Variants in USP13 observed in about 807,000 individuals in gnomAD.
USP13 encodes the protein ubiquitin carboxyl-terminal hydrolase 13.
A neutral mutation model predicts 107.8 loss-of-function variants in USP13; 68 were observed. That is an observed-to-expected ratio of 0.63 (90% CI 0.52 to 0.77). The LOEUF (loss-of-function observed/expected upper bound fraction) is 0.77. Among genes scored for constraint, USP13 ranks in the 30% least tolerant of loss-of-function variants. The pLI is 0.00. For synonymous variants in USP13, 377 were observed against 389.5 expected (o/e 0.97, Z 0.38); for missense variants, 945 against 1,093.3 (o/e 0.86, Z 1.91).
chr3:179,678,218 A>T lies in USP13; in HGVS notation c.169-3660A>T, dbSNP rs532449754. On this transcript the variant is annotated intron_variant, in intron 1 of 20. Transcript: ENST00000263966. This position sits in a 1 kb window ranked among gnomAD's most constrained non-coding sequence, Gnocchi z 4.2. ...TTATTAGAAGAGAATGGAACTTTTT[A>T]AAAAAATCACAATGGATTTAATGAA... is the stretch of plus-strand genomic sequence containing the variant. Among the ~76,000 whole-genome samples, 145 of 152,306 alleles carry T rather than the reference A, an allele frequency of 9.5e-4. 1 individual carries two copies. The highest frequency in any genetic ancestry group is 1.7e-3 in the Non-Finnish European group (114 of 68,022).
At chr3:179,757,880 C>G (rs16830809) in intron 16 of USP13, among the ~76,000 whole-genome samples, 7,083 of 152,260 alleles carry the variant, frequency 0.047, 565 homozygotes, top group African/African-American at 0.16. Context: ...TCTTCACATG[C>G]AACCTGGTAG....
chr3:179,685,980 C>T (rs1711859920), intron 2 of USP13, among the ~76,000 whole-genome samples: 1 of 152,140 alleles, frequency 6.6e-6, no homozygotes, highest in Non-Finnish European at 1.5e-5. Flanking sequence ...TCCAGAACTC[C>T]AAACAGTTGC....
At chr3:179,666,000 C>T (rs1282646780) in intron 1 of USP13, among the ~76,000 whole-genome samples, 3 of 152,022 alleles carry the variant, frequency 2.0e-5, no homozygotes, top group African/African-American at 4.8e-5. Flanking sequence ...GGATGGAATC[C>T]GAAGAGACAG....
chr3:179,690,320 C>G lies in USP13; in HGVS notation c.355+19C>G. 6.2e-7 allele frequency: 1 copy of G among 1,610,562 alleles called. No homozygotes were observed. The highest frequency in any genetic ancestry group is 8.5e-7 in the Non-Finnish European group (1 of 1,177,272). ...TTTTTAGGTAAATAGTTATCAGTAG[C>G]ATGCTCAGATTTTGTGTTTGTGTGT... On this transcript the variant is annotated intron_variant, in intron 3 of 20. Transcript: ENST00000263966.
chr3:179,749,042 A>T (rs949418880), intron 13 of USP13, among the ~76,000 whole-genome samples: 1 of 152,042 alleles, frequency 6.6e-6, no homozygotes, highest in African/African-American at 2.4e-5. Flanking sequence ...ATATAATTTG[A>T]GTGTGGTGGA....
At chr3:179,746,430 AT>A (rs919371105) in intron 13 of USP13, among the ~76,000 whole-genome samples, 7 of 146,788 alleles carry the variant, frequency 4.8e-5, no homozygotes, top group Admixed American at 2.0e-4. Flanking sequence ...ATTTTTGTAT[AT>A]TTTTTTTTGT....
intron 6 of USP13, among the ~76,000 whole-genome samples, chr3:179,712,310 A>G (rs1712959440): frequency 6.6e-6 from 1 of 152,208 alleles, no homozygotes; most frequent in African/African-American, 2.4e-5. Context: ...TGATTTTGCA[A>G]CAAACAGATA....
At chr3:179,754,142 A>C in intron 14 of USP13, among the ~76,000 whole-genome samples, 1 of 152,184 alleles carries the variant, frequency 6.6e-6, no homozygotes, top group East Asian at 1.9e-4. Context: ...GTAGCTAGCT[A>C]TCTTGGTCTT....
chr3:179,718,083 C>T (rs544270047), intron 6 of USP13, among the ~76,000 whole-genome samples: 1 of 151,998 alleles, frequency 6.6e-6, no homozygotes, highest in Non-Finnish European at 1.5e-5. Context: ...GCTCCTTGGA[C>T]AGTCTGTCTT....
intron 1 of USP13, among the ~76,000 whole-genome samples, chr3:179,657,778 A>AG (rs1560037581): frequency 2.0e-5 from 3 of 151,326 alleles, no homozygotes; most frequent in African/African-American, 4.8e-5. Context: ...AAAAAAAAAA[A>AG]AAAAAAAAGA....
intron 19 of USP13, among the ~76,000 whole-genome samples, chr3:179,770,729 G>A (rs1303773261): frequency 6.6e-6 from 1 of 151,956 alleles, no homozygotes; most frequent in East Asian, 1.9e-4. Context: ...CTCAGCCTCT[G>A]GAGTAGCTAG....
At chr3:179,753,121 G>A (rs779519109) in intron 14 of USP13, among the ~76,000 whole-genome samples, 2 of 152,156 alleles carry the variant, frequency 1.3e-5, no homozygotes, top group Non-Finnish European at 2.9e-5. Context: ...TGGACTATTT[G>A]CCAGTCTTTT....
chr3:179,750,304 G>A (rs113381739), intron 13 of USP13, among the ~76,000 whole-genome samples: 15,581 of 112,506 alleles, frequency 0.14, 1,450 homozygotes, highest in African/African-American at 0.27. Flanking sequence ...ATATGTGTGT[G>A]TATATATATA....
chr3:179,711,092 CAAT>C lies in USP13; in HGVS notation c.805+2141_805+2143del, dbSNP rs1046493299. 2.6e-5 allele frequency among the ~76,000 whole-genome samples: 4 copies of C among 152,258 alleles called. No individual in the cohort carries two copies. The East Asian group carries it at 7.7e-4, about 29-fold the overall frequency. On this transcript the variant is annotated intron_variant, in intron 6 of 20. Transcript: ENST00000263966. Reference sequence around the variant, plus strand: ...AAACTTATGAAAACATTGTCCTTTTCAATAATAAATTAACCTCTTACTGTAATG... The same window carrying C: ...AAACTTATGAAAACATTGTCCTTTTCAATAAATTAACCTCTTACTGTAATG...
chr3:179,734,802 A>G (rs1043692440), intron 10 of USP13, among the ~76,000 whole-genome samples: 4 of 152,214 alleles, frequency 2.6e-5, no homozygotes, highest in Admixed American at 2.6e-4. Flanking sequence ...TGTTTTAGGG[A>G]CAGGCAGACA....
chr3:179,750,287 AATATATATATGTGTGTGTATAT>A (rs1252285455), intron 13 of USP13, among the ~76,000 whole-genome samples: 3 of 138,086 alleles, frequency 2.2e-5, no homozygotes, highest in Admixed American at 1.5e-4. Context: ...AATAATAATA[AATATATATATGTGTGTGTATAT>A]ATATATATAT....
At chr3:179,732,461 C>A (rs574715912) in intron 10 of USP13, among the ~76,000 whole-genome samples, 36 of 152,214 alleles carry the variant, frequency 2.4e-4, no homozygotes, top group African/African-American at 8.7e-4. Flanking sequence ...GACTCAGGAG[C>A]CTGGCTTTCC....
At chr3:179,669,574 C>T (rs1461083837) in intron 1 of USP13, among the ~76,000 whole-genome samples, 1 of 152,152 alleles carries the variant, frequency 6.6e-6, no homozygotes, top group African/African-American at 2.4e-5. Context: ...CCAGGCTAAG[C>T]CACCATCTGG....
At chr3:179,701,180 G>A (rs1459151873) in intron 4 of USP13, 51 bp downstream of exon 4, 3 of 1,304,378 alleles carry the variant, frequency 2.3e-6, no homozygotes, top group Middle Eastern at 2.2e-4. Flanking sequence ...TCTGTGTCAG[G>A]TGTGTGTGCG....
Sources: allele counts gnomAD v4.1 joint callset (sites outside exome capture counted in the v4.1 genomes callset), GRCh38; gene constraint gnomAD v4.1.1; non-coding constraint Gnocchi (gnomAD v3.1); transcripts MANE v1.5; gene names NCBI Gene and HGNC (gene_info 2026-07-23, HGNC 2026-07-21).